The following AMT variants were observed in gnomAD, a reference collection of about 807,000 sequenced individuals.
AMT encodes aminomethyltransferase, mitochondrial.
A neutral mutation model predicts 39.5 loss-of-function variants in AMT; 24 were observed. The ratio of observed to expected loss-of-function variants is 0.61; its 90% CI spans 0.44 to 0.86. The LOEUF (loss-of-function observed/expected upper bound fraction) is 0.86, where lower values mean the gene tolerates loss of function less well. Ranked by LOEUF, AMT falls within the 40% of genes least tolerant of loss-of-function variation. AMT has a pLI of 0.00. For missense variants in AMT, 501 were observed against 537.0 expected (o/e 0.93, Z 0.66); for synonymous variants, 210 against 212.1 (o/e 0.99, Z 0.09).
rs765372559 is a variant in AMT at position 49,420,206 on chromosome 3, T to C, written c.471+5A>G. On this transcript the variant is annotated splice_donor_5th_base_variant and intron_variant, in intron 4 of 8. Coordinates refer to ENST00000273588, the MANE Select transcript of AMT (RefSeq NM_000481.4). ...CAAGGTGTCTAGAACACAGAGGGGG[T>C]ATACCTGCATGAGGGCCAAATCTTT... 4 of 1,614,034 alleles carry C rather than the reference T, an allele frequency of 2.5e-6. No individual in the cohort carries two copies. The highest frequency in any genetic ancestry group is 3.4e-6 in the Non-Finnish European group (4 of 1,179,972).
chr3:49,421,568 T>G lies in AMT; in HGVS notation c.263A>C (p.Lys88Thr), dbSNP rs2049102768. Reference sequence around the variant, plus strand: ...CTTCACCCGGTCACTACCAAGTATCTTGGTCTGGGGAAGAGATTGAAAGCC... The same window carrying G: ...CTTCACCCGGTCACTACCAAGTATCGTGGTCTGGGGAAGAGATTGAAAGCC... ...LFDVSHMLQT[K>T]ILGSDRVKLM... is the part of the protein sequence containing the mutation. Residue 88 changes from lysine (K) to threonine (T), a missense_variant, in exon 3 of 9, where the codon AAG (lysine) becomes ACG (threonine). By Grantham distance (78) the Lys-to-Thr change is moderately conservative (BLOSUM62 -1). Transcript: ENST00000273588. 1.9e-6 allele frequency: 3 copies of G among 1,614,128 alleles called. No individual in the cohort carries two copies. The highest frequency in any genetic ancestry group is 2.5e-6 in the Non-Finnish European group (3 of 1,179,958).
At position 49,419,748 on chromosome 3, in the gene AMT, C is replaced by T. The variant is rs1041776290; in HGVS notation, c.512G>A (p.Gly171Asp). 26 of 1,614,056 alleles carry T rather than the reference C, an allele frequency of 1.6e-5. No individual in the cohort carries two copies. The highest frequency in any genetic ancestry group is 2.1e-5 in the Non-Finnish European group (25 of 1,180,044). ...RELQNQGRDV[G>D]LEVLDNALLA... Reference sequence around the variant, plus strand: ...CAGGGCATTATCCAACACCTCCAGGCCCACATCTCTGCCCTGGTTCTGAAG... The same window carrying T: ...CAGGGCATTATCCAACACCTCCAGGTCCACATCTCTGCCCTGGTTCTGAAG... Residue 171 changes from glycine (G) to aspartate (D), a missense_variant, in exon 5 of 9, where the codon GGC (glycine) becomes GAC (aspartate). Gly to Asp is a moderately conservative substitution (Grantham distance 94). Coordinates refer to ENST00000273588, the MANE Select transcript of AMT (RefSeq NM_000481.4).
At chr3:49,422,332 C>A (rs2049121806) in intron 1 of AMT, 29 bp downstream of exon 1, 1 of 1,613,702 alleles carries the variant, frequency 6.2e-7, no homozygotes, top group East Asian at 2.2e-5. Context: ...CCCTCCCCCA[C>A]CCTCCAAGAT....
intron 3 of AMT, 107 bp from the exon 4 acceptor site, chr3:49,420,449 TAA>T: frequency 6.5e-7 from 1 of 1,540,674 alleles, no homozygotes; most frequent in Non-Finnish European, 8.9e-7. Context: ...TTATGAACCC[TAA>T]TGTGAAGGAC....
At chr3:49,418,102 A>C in intron 7 of AMT, 129 bp from the exon 8 acceptor site, 2 of 1,240,964 alleles carry the variant, frequency 1.6e-6, no homozygotes, top group South Asian at 1.3e-5. Context: ...TCCAGGCTCT[A>C]TTCCTCCCTT....
intron 3 of AMT, 31 bp from the exon 4 acceptor site, chr3:49,420,373 A>C: frequency 6.2e-7 from 1 of 1,613,808 alleles, no homozygotes; most frequent in African/African-American, 1.3e-5. Context: ...TTTGGCTTCC[A>C]GGTCCAGGAG....
At chr3:49,421,750 G>A in intron 2 of AMT, 178 bp from the exon 3 acceptor site, 1 of 698,034 alleles carries the variant, frequency 1.4e-6, no homozygotes, top group Non-Finnish European at 2.6e-6. Flanking sequence ...ACCTCCCCCA[G>A]TCACTCTGTG....
intron 2 of AMT, 40 bp downstream of exon 2, chr3:49,422,064 G>A: frequency 6.2e-7 from 1 of 1,612,590 alleles, no homozygotes; most frequent in Non-Finnish European, 8.5e-7. Flanking sequence ...AAACAGGGAG[G>A]AAGGCCTGAT....
chr3:49,420,750 G>T, intron 3 of AMT: 1 of 261,364 alleles, frequency 3.8e-6, no homozygotes, highest in Non-Finnish European at 7.6e-6. Flanking sequence ...GTACTCCATA[G>T]CAATGCCCCC....
chr3:49,416,836 A>C lies in AMT; in HGVS notation c.*704T>G, dbSNP rs1408816542. The C allele has an allele frequency of 2.2e-6, 1 of 455,142 alleles. No homozygotes were observed. The allele number at this position is 455,142 out of a possible 1,614,324, so 28.2% of individuals were successfully genotyped here. A position where few individuals can be genotyped will look rare whatever the true frequency, so the allele number is the denominator to read the frequency against. ...AGGATTCAGTGGAGTCCATTAATGC[A>C]TACCAGGGGCAAAGATCAGCCCAGG... On this transcript the variant is annotated 3_prime_UTR_variant, in exon 9 of 9. Transcript: ENST00000273588.
Position 49,419,347 on chromosome 3 carries a change from G to A in AMT, c.609C>T (p.Pro203=), listed in dbSNP as rs1314175857. 8 of 1,614,198 alleles carry A rather than the reference G, an allele frequency of 5.0e-6. No individual in the cohort carries two copies. The highest frequency in any genetic ancestry group is 5.9e-6 in the Non-Finnish European group (7 of 1,180,042). ...AGVADDLRKL[P]FMTSAVMEVF... ...CCTCCATCACAGCACTGGTCATGAA[G>A]GGCAGTTTCCTCAGGTCATCTGCCA... is the stretch of plus-strand genomic sequence containing the variant. Residue 203 remains proline, a synonymous_variant, in exon 6 of 9, where the codon CCC becomes CCT. Coordinates refer to ENST00000273588, the MANE Select transcript of AMT (RefSeq NM_000481.4).
intron 2 of AMT, chr3:49,421,815 T>C (rs2049107405): frequency 4.5e-6 from 3 of 672,408 alleles, no homozygotes; most frequent in Non-Finnish European, 8.0e-6. Flanking sequence ...AAATAACCCC[T>C]TTTCAAACCA....
Position 49,422,241 on chromosome 3 carries a change from A to C in AMT, c.121T>G (p.Phe41Val). 1 of 1,614,078 alleles carries C rather than the reference A, an allele frequency of 6.2e-7. No homozygotes were observed. Among genetic ancestry groups the C allele is most frequent in the Non-Finnish European group, 8.5e-7 (1 of 1,180,000 alleles). The part of the protein sequence containing the change: ...EVLRRTPLYD[F>V]HLAHGGKMVA... Reference sequence around the variant, plus strand: ...ATTTTCCCGCCGTGGGCCAGGTGGAAGTCATAGAGCGGTGTCCTGCGGAGC... The same window carrying C: ...ATTTTCCCGCCGTGGGCCAGGTGGACGTCATAGAGCGGTGTCCTGCGGAGC... Residue 41 changes from phenylalanine to valine, a missense_variant, in exon 2 of 9, where the codon TTC becomes GTC. By Grantham distance (50) the Phe-to-Val change is conservative. Transcript: ENST00000273588.
chr3:49,417,995 A>G, intron 7 of AMT, 22 bp from the exon 8 acceptor site: 1 of 1,594,236 alleles, frequency 6.3e-7, no homozygotes, highest in East Asian at 2.3e-5. Flanking sequence ...CACATGAGAC[A>G]TAAGCCACAG....
chr3:49,422,301 G>C (rs1427895238), intron 1 of AMT, 30 bp from the exon 2 acceptor site: 2 of 1,613,674 alleles, frequency 1.2e-6, no homozygotes. Context: ...GTGCCACCAG[G>C]GCCCTAGCCC....
At position 49,417,412 on chromosome 3, in the gene AMT, C is replaced by A; in HGVS notation, c.*128G>T. The A allele has an allele frequency of 6.2e-7, 1 of 1,610,414 alleles. No individual in the cohort carries two copies. On this transcript the variant is annotated 3_prime_UTR_variant, in exon 9 of 9. Transcript: ENST00000273588. ...GTGGGGGGAATAGGTGGTGTGGCCC[C>A]TCAACCAGACAATTAGAATCAGCCT...
In AMT at chr3:49,421,540, C is replaced by G; in HGVS notation, c.291G>C (p.Leu97=). Residue 97 remains leucine (L), a synonymous_variant, in exon 3 of 9, where the codon CTG becomes CTC. Transcript: ENST00000273588. ...TGTCTCCAACCACTAGACTCTCCAT[C>G]AGCTTCACCCGGTCACTACCAAGTA... ...TKILGSDRVK[L]MESLVVGDIA... The G allele has an allele frequency of 6.2e-7, 1 of 1,614,222 alleles. No individual in the cohort carries two copies. The highest frequency in any genetic ancestry group is 2.2e-5 in the East Asian group (1 of 44,880).
intron 6 of AMT, 23 bp downstream of exon 6, chr3:49,419,237 C>A (rs1417764059): frequency 1.9e-6 from 3 of 1,614,090 alleles, no homozygotes; most frequent in Non-Finnish European, 2.5e-6. Flanking sequence ...CCTGTACTGC[C>A]CCCACACCAC....
In AMT at chr3:49,419,202, C is replaced by T. The variant is rs769605378; in HGVS notation, c.697-51G>A. 2.5e-6 allele frequency: 4 copies of T among 1,613,828 alleles called. No individual in the cohort carries two copies. In the South Asian group the frequency reaches 4.4e-5, roughly 18 times the overall value. ...GGGAAGCTCCCTGTACCACATACCC[C>T]CAACCCCTCACATGCATCCTGTGCC... is the stretch of plus-strand genomic sequence containing the variant. On this transcript the variant is annotated intron_variant, in intron 6 of 8. Transcript: ENST00000273588.
Sources: allele counts gnomAD v4.1 joint callset, GRCh38; gene constraint gnomAD v4.1.1; transcripts MANE v1.5; gene names NCBI Gene and HGNC (gene_info 2026-07-23, HGNC 2026-07-21).